CCSER1: variants seen among roughly 807,000 people sequenced by gnomAD.
The protein encoded by CCSER1 is coiled-coil serine rich protein 1, also known as serine-rich coiled-coil domain-containing protein 1.
A neutral mutation model predicts 82.0 loss-of-function variants in CCSER1; 41 were observed. The observed-to-expected ratio is 0.50, with a 90% confidence interval of 0.39 to 0.65. The LOEUF is 0.65. Among genes scored for constraint, CCSER1 ranks in the 30% least tolerant of loss-of-function variants. The pLI is 0.00. For missense variants in CCSER1, 1,119 were observed against 1,064.2 expected, an observed-to-expected ratio of 1.05 and a Z score of -0.72; for synonymous variants, 414 against 383.9, an observed-to-expected ratio of 1.08 and a Z score of -0.92.
At chr4:90,335,544 G>A (rs905185923) in intron 3 of CCSER1, among the ~76,000 whole-genome samples, 1 of 152,094 alleles carries the variant, frequency 6.6e-6, no homozygotes, top group Non-Finnish European at 1.5e-5. Flanking sequence ...TAATTTTCAT[G>A]ATTAAGCCTT....
At chr4:90,966,488 C>G (rs1202489709) in intron 9 of CCSER1, among the ~76,000 whole-genome samples, 2 of 151,972 alleles carry the variant, frequency 1.3e-5, no homozygotes, top group Non-Finnish European at 2.9e-5. Context: ...ATTTCTTATC[C>G]AACCAAACTG....
At chr4:90,636,409 T>G (rs1272229972) in intron 6 of CCSER1, among the ~76,000 whole-genome samples, 1 of 151,822 alleles carries the variant, frequency 6.6e-6, no homozygotes, top group East Asian at 1.9e-4. Flanking sequence ...TTAAAAAAAA[T>G]TGGCAAAAAT....
chr4:91,285,070 C>T (rs1038703823), intron 10 of CCSER1, among the ~76,000 whole-genome samples: 1 of 151,954 alleles, frequency 6.6e-6, no homozygotes, highest in Non-Finnish European at 1.5e-5. Context: ...ATTAAAACTC[C>T]ACCTAAAGTT....
chr4:90,531,292 A>G lies in CCSER1; in HGVS notation c.1724+62938A>G, dbSNP rs1774488131. ...GATTGTTAGTTTTTAAATTGCTTTG[A>G]CTTATAAAGACCTTAAAAATCTCAA... On this transcript the variant is annotated intron_variant, in intron 5 of 10. Coordinates refer to ENST00000509176, the MANE Select transcript of CCSER1 (RefSeq NM_001145065.2). Among the ~76,000 whole-genome samples, 3 of 151,886 alleles carry G rather than the reference A, an allele frequency of 2.0e-5. No homozygotes were observed. The South Asian group carries it at 6.2e-4, about 31-fold the overall frequency.
intron 5 of CCSER1, among the ~76,000 whole-genome samples, chr4:90,550,974 A>G: frequency 6.6e-6 from 1 of 152,270 alleles, no homozygotes; most frequent in East Asian, 1.9e-4. Flanking sequence ...TTATTTTATT[A>G]AGACATTAAT....
At chr4:91,433,447 G>A (rs530278574) in intron 10 of CCSER1, among the ~76,000 whole-genome samples, 8 of 152,088 alleles carry the variant, frequency 5.3e-5, no homozygotes, top group African/African-American at 1.9e-4. Flanking sequence ...TCACTGACTC[G>A]CCCAAGGCAG....
intron 1 of CCSER1, among the ~76,000 whole-genome samples, chr4:90,242,679 G>A (rs1187214794): frequency 1.3e-5 from 2 of 152,152 alleles, no homozygotes; most frequent in African/African-American, 4.8e-5. Context: ...TGGTTATAAG[G>A]ATAACAATTA....
At chr4:90,495,458 A>G (rs1211417867) in intron 5 of CCSER1, among the ~76,000 whole-genome samples, 1 of 152,164 alleles carries the variant, frequency 6.6e-6, no homozygotes, top group Non-Finnish European at 1.5e-5. Flanking sequence ...AGGCAATTAC[A>G]GCTTAGCTGC....
At chr4:91,139,265 T>TG (rs1207272131) in intron 10 of CCSER1, among the ~76,000 whole-genome samples, 14 of 138,710 alleles carry the variant, frequency 1.0e-4, no homozygotes, top group Non-Finnish European at 7.5e-5. Flanking sequence ...ATGTACCACA[T>TG]TTTTTTTTTA....
chr4:90,855,746 A>T (rs573246183), intron 8 of CCSER1, among the ~76,000 whole-genome samples: 17 of 152,276 alleles, frequency 1.1e-4, no homozygotes, highest in Admixed American at 8.5e-4. Flanking sequence ...CTAACTCTGT[A>T]TCTTAACATG....
intron 10 of CCSER1, among the ~76,000 whole-genome samples, chr4:91,395,231 G>C (rs1443475048): frequency 6.6e-6 from 1 of 152,000 alleles, no homozygotes. Context: ...GTCAGTTACA[G>C]GAGCAAAATG....
At chr4:91,328,983 T>A (rs1272546555) in intron 10 of CCSER1, among the ~76,000 whole-genome samples, 1 of 150,442 alleles carries the variant, frequency 6.6e-6, no homozygotes, top group African/African-American at 2.5e-5. Context: ...AAGATGTGAC[T>A]TTGCTCCTCA....
chr4:91,530,873 G>C (rs1760994933), intron 10 of CCSER1, among the ~76,000 whole-genome samples: 1 of 152,000 alleles, frequency 6.6e-6, no homozygotes, highest in Non-Finnish European at 1.5e-5. Context: ...TTTTAGCAGA[G>C]ACGGGGTTTC....
rs534957821 is a variant in CCSER1 at position 90,732,075 on chromosome 4, A to G, written c.2010+8084A>G. Among the ~76,000 whole-genome samples, 16 of 95,508 alleles carry G rather than the reference A, an allele frequency of 1.7e-4. No individual in the cohort carries two copies. In the East Asian group the frequency reaches 4.4e-3, roughly 26 times the overall value. The allele number at this position is 95,508 out of a possible 152,430, so 62.7% of individuals were successfully genotyped here. A position where few individuals can be genotyped will look rare whatever the true frequency, so the allele number is the denominator to read the frequency against. ...TCTCTCTCTCTCACTGCTCTATTCT[A>G]CTTCTGCCTCCCTCTTTCTCTCCTC... On this transcript the variant is annotated intron_variant, in intron 7 of 10. Coordinates refer to ENST00000509176, the MANE Select transcript of CCSER1 (RefSeq NM_001145065.2).
chr4:90,586,211 G>C (rs537304625), intron 5 of CCSER1, among the ~76,000 whole-genome samples: 13 of 152,166 alleles, frequency 8.5e-5, no homozygotes, highest in African/African-American at 2.7e-4. Context: ...CACATGCGAG[G>C]GACCTAGGTT....
At chr4:90,944,119 G>T (rs922909157) in intron 9 of CCSER1, among the ~76,000 whole-genome samples, 1 of 151,242 alleles carries the variant, frequency 6.6e-6, no homozygotes, top group East Asian at 2.0e-4. Context: ...TGCAATCCCA[G>T]CTACTCGGGA....
chr4:91,298,491 A>G (rs761141850), intron 10 of CCSER1, among the ~76,000 whole-genome samples: 11 of 152,092 alleles, frequency 7.2e-5, no homozygotes, highest in South Asian at 6.2e-4. Flanking sequence ...CATCCTTGGC[A>G]GAGTCTAAAA....
intron 5 of CCSER1, among the ~76,000 whole-genome samples, chr4:90,489,299 C>A (rs1767592991): frequency 6.6e-6 from 1 of 152,018 alleles, no homozygotes; most frequent in Non-Finnish European, 1.5e-5. Flanking sequence ...ATTCTAGTAT[C>A]TTAGATACCA....
At chr4:90,384,642 C>A (rs1049467138) in intron 3 of CCSER1, among the ~76,000 whole-genome samples, 1 of 152,170 alleles carries the variant, frequency 6.6e-6, no homozygotes, top group Non-Finnish European at 1.5e-5. Flanking sequence ...CTGTATTCCT[C>A]TCTAACTTCC....
Sources: allele counts gnomAD v4.1 joint callset (sites outside exome capture counted in the v4.1 genomes callset), GRCh38; gene constraint gnomAD v4.1.1; transcripts MANE v1.5; gene names NCBI Gene and HGNC (gene_info 2026-07-23, HGNC 2026-07-21).